MBD5: variants seen among roughly 807,000 people sequenced by gnomAD.
MBD5 encodes the protein methyl-CpG binding domain protein 5.
Under a neutral mutation model 117.3 loss-of-function variants are expected in MBD5, and 13 were observed. The ratio of observed to expected loss-of-function variants is 0.11; its 90% confidence interval spans 0.07 to 0.18. The LOEUF (loss-of-function observed/expected upper bound fraction) is 0.18. MBD5 is among the 10% of genes least tolerant of loss of function. MBD5 has a pLI of 1.00. For synonymous variants in MBD5, 727 were observed against 766.4 expected (o/e 0.95, Z 0.85); for missense variants, 1,879 against 2,093.8 (o/e 0.90, Z 2.00).
intron 2 of MBD5, among the ~76,000 whole-genome samples, chr2:148,217,359 G>C (rs543984027): frequency 6.6e-6 from 1 of 152,310 alleles, no homozygotes; most frequent in South Asian, 2.1e-4. Context: ...TGAGGAGAGA[G>C]GGAGCCTTGT....
intron 1 of MBD5, among the ~76,000 whole-genome samples, chr2:148,127,782 C>T (rs1204439789): frequency 6.6e-6 from 1 of 152,046 alleles, no homozygotes; most frequent in Non-Finnish European, 1.5e-5. Flanking sequence ...GGTATTTCTG[C>T]TTCTAGATCT....
chr2:148,304,625 G>A (rs1257067653), intron 3 of MBD5, among the ~76,000 whole-genome samples: 1 of 152,180 alleles, frequency 6.6e-6, no homozygotes, highest in Non-Finnish European at 1.5e-5. Flanking sequence ...CAGTGGGAGA[G>A]AGAGATTGGG....
At chr2:148,510,442 C>A (rs1279511540) in intron 13 of MBD5, among the ~76,000 whole-genome samples, 2 of 152,158 alleles carry the variant, frequency 1.3e-5, no homozygotes, top group South Asian at 4.1e-4. Context: ...TGTGAATGGC[C>A]ATGGCCATTA....
intron 11 of MBD5, among the ~76,000 whole-genome samples, chr2:148,496,823 G>T (rs1176820179): frequency 6.6e-6 from 1 of 152,148 alleles, no homozygotes; most frequent in African/African-American, 2.4e-5. Context: ...AGAGAATTTG[G>T]TTAGTTCATT....
chr2:148,418,214 T>G (rs1705484681), intron 4 of MBD5, among the ~76,000 whole-genome samples: 1 of 152,192 alleles, frequency 6.6e-6, no homozygotes, highest in African/African-American at 2.4e-5. Context: ...ATGCATAGTT[T>G]GCAAATATTT....
chr2:148,345,384 CAT>C (rs1175423651), intron 4 of MBD5, among the ~76,000 whole-genome samples: 1 of 137,282 alleles, frequency 7.3e-6, no homozygotes, highest in African/African-American at 2.5e-5. Context: ...CACATATACA[CAT>C]ATACATATAC....
intron 4 of MBD5, among the ~76,000 whole-genome samples, chr2:148,444,301 G>T (rs1159474962): frequency 7.2e-6 from 1 of 138,520 alleles, no homozygotes; most frequent in Non-Finnish European, 1.5e-5. Flanking sequence ...TGCTTCCACT[G>T]CACTCACATC....
intron 1 of MBD5, among the ~76,000 whole-genome samples, chr2:148,110,489 T>G (rs750241855): frequency 3.3e-5 from 5 of 152,204 alleles, no homozygotes; most frequent in Non-Finnish European, 5.9e-5. Flanking sequence ...TCTCATCTTG[T>G]GCATCAGAGC....
At chr2:148,287,399 T>G (rs2106408443) in intron 3 of MBD5, among the ~76,000 whole-genome samples, 1 of 152,202 alleles carries the variant, frequency 6.6e-6, no homozygotes, top group East Asian at 1.9e-4. Context: ...GGCTCTTTAG[T>G]GTTGAGTAGG....
At chr2:148,501,192 G>A (rs1226483965) in intron 11 of MBD5, among the ~76,000 whole-genome samples, 2 of 152,174 alleles carry the variant, frequency 1.3e-5, no homozygotes. Flanking sequence ...AAAACTTCTT[G>A]TTAATCATAA....
intron 3 of MBD5, among the ~76,000 whole-genome samples, chr2:148,284,302 T>G (rs1275452332): frequency 6.6e-6 from 1 of 152,236 alleles, no homozygotes; most frequent in Non-Finnish European, 1.5e-5. Flanking sequence ...GTAAATAACC[T>G]TAAATATTGT....
chr2:148,172,818 C>G (rs191700878), intron 1 of MBD5, among the ~76,000 whole-genome samples: 21 of 152,258 alleles, frequency 1.4e-4, no homozygotes, highest in South Asian at 6.2e-4. Context: ...TTGGGACTAC[C>G]AGGTGCGGGA....
intron 1 of MBD5, among the ~76,000 whole-genome samples, chr2:148,117,245 G>T (rs1386300196): frequency 1.3e-5 from 2 of 151,708 alleles, no homozygotes; most frequent in Non-Finnish European, 2.9e-5. Context: ...CGAAAAGTTA[G>T]ATAGCTATAG....
At chr2:148,106,898 T>C (rs1347828588) in intron 1 of MBD5, among the ~76,000 whole-genome samples, 1 of 152,052 alleles carries the variant, frequency 6.6e-6, no homozygotes, top group Non-Finnish European at 1.5e-5. Flanking sequence ...AATTATTGTT[T>C]TATAACATTT....
chr2:148,253,445 A>G (rs1700511213), intron 3 of MBD5, among the ~76,000 whole-genome samples: 1 of 152,184 alleles, frequency 6.6e-6, no homozygotes, highest in African/African-American at 2.4e-5. Flanking sequence ...AATATGTAGT[A>G]CATATTGGTT....
chr2:148,282,800 A>G (rs1701279775), intron 3 of MBD5, among the ~76,000 whole-genome samples: 1 of 151,742 alleles, frequency 6.6e-6, no homozygotes, highest in Non-Finnish European at 1.5e-5. Flanking sequence ...CCTCCCCCAC[A>G]CTGTATTTCT....
chr2:148,483,071 T>G, intron 8 of MBD5, 39 bp from the exon 9 acceptor site: 7 of 1,586,204 alleles, frequency 4.4e-6, no homozygotes, highest in Non-Finnish European at 6.0e-6. Flanking sequence ...CATTCATGAT[T>G]AATAACTGGG....
At chr2:148,496,124 G>T (rs1260794106) in intron 11 of MBD5, among the ~76,000 whole-genome samples, 1 of 152,144 alleles carries the variant, frequency 6.6e-6, no homozygotes, top group East Asian at 1.9e-4. Context: ...TTTCTTAACC[G>T]CTGTTGGAAA....
At chr2:148,132,335 T>TATATATATATAC (rs1553475573) in intron 1 of MBD5, among the ~76,000 whole-genome samples, 3 of 5,572 alleles carry the variant, frequency 5.4e-4, no homozygotes, top group African/African-American at 9.5e-4. Flanking sequence ...TATATACATA[T>TATATATATATAC]ATATATATAT....
Sources: gnomAD v4.1 joint callset for allele counts (sites outside exome capture counted in the v4.1 genomes callset) on GRCh38, gnomAD v4.1.1 for gene constraint, MANE v1.5 for transcripts, NCBI Gene and HGNC (gene_info 2026-07-23, HGNC 2026-07-21) for gene names.